SYBU: variants seen among roughly 807,000 people sequenced by gnomAD.
The protein encoded by SYBU is syntabulin, also known as GOLSYN A protein.
A neutral mutation model predicts 35.9 loss-of-function variants in SYBU; 21 were observed. That is an observed-to-expected ratio of 0.58 (90% confidence interval 0.41 to 0.84). SYBU has a LOEUF of 0.84. Ranked by LOEUF, SYBU falls within the 40% of genes least tolerant of loss-of-function variation. The pLI, the probability that SYBU is intolerant of heterozygous loss-of-function variation, is 0.00. For missense variants in SYBU, 768 were observed against 848.2 expected (o/e 0.91, Z 1.17); for synonymous variants, 319 against 324.3 (o/e 0.98, Z 0.18).
At chr8:109,597,504 G>A (rs1825020955) in intron 3 of SYBU, among the ~76,000 whole-genome samples, 1 of 151,916 alleles carries the variant, frequency 6.6e-6, no homozygotes, top group Admixed American at 6.6e-5. Flanking sequence ...GATCAATTGA[G>A]CCCAGGGGTT....
chr8:109,655,571 G>T (rs953277466), intron 1 of SYBU, among the ~76,000 whole-genome samples: 7 of 152,034 alleles, frequency 4.6e-5, no homozygotes, highest in African/African-American at 1.4e-4. Context: ...TATTTTAGTG[G>T]ACTCATTTCT....
chr8:109,649,856 G>A (rs1296946156), intron 1 of SYBU, among the ~76,000 whole-genome samples: 3 of 152,182 alleles, frequency 2.0e-5, no homozygotes, highest in Non-Finnish European at 4.4e-5. Flanking sequence ...TGCGTGTAAA[G>A]GTTGCCATCT....
chr8:109,666,919 T>C (rs1816774570), intron 1 of SYBU, among the ~76,000 whole-genome samples: 1 of 152,178 alleles, frequency 6.6e-6, no homozygotes, highest in Non-Finnish European at 1.5e-5. Flanking sequence ...TTCTCCATCT[T>C]AATGATCTTG....
intron 1 of SYBU, among the ~76,000 whole-genome samples, chr8:109,678,110 G>A (rs564843009): frequency 5.3e-5 from 7 of 132,512 alleles, no homozygotes; most frequent in Admixed American, 8.6e-5. Context: ...CTCCAGCCTG[G>A]GCAAGAAGAG....
chr8:109,618,902 C>G lies in SYBU; in HGVS notation c.367G>C (p.Glu123Gln). The change falls in exon 3 of 7, where the codon GAA becomes CAA. Residue 123 changes from glutamate to glutamine, a missense_variant. Glu to Gln is a conservative substitution (Grantham distance 29). Transcript: ENST00000276646. ...RKKCTIGMVGEGSIQSSRYKK... is the reference protein window; with the variant it reads ...RKKCTIGMVGQGSIQSSRYKK... Reference sequence around the variant, plus strand: ...TATCGAGAGGACTGAATGCTTCCTTCACCAACCATTCCAATCGTGCATTTC... The same window carrying G: ...TATCGAGAGGACTGAATGCTTCCTTGACCAACCATTCCAATCGTGCATTTC... 1 of 1,614,216 alleles carries G rather than the reference C, an allele frequency of 6.2e-7. No homozygotes were observed. The highest frequency in any genetic ancestry group is 1.7e-5 in the Admixed American group (1 of 60,028).
At chr8:109,593,164 G>T (rs1824476216) in intron 3 of SYBU, among the ~76,000 whole-genome samples, 1 of 152,196 alleles carries the variant, frequency 6.6e-6, no homozygotes, top group African/African-American at 2.4e-5. Context: ...TACTATAGCT[G>T]ATTGTGCAGC....
rs866054039 is a variant in SYBU, at chr8:109,597,087, C to A, written c.428-10925G>T. On this transcript the variant is annotated intron_variant, in intron 3 of 6. Transcript: ENST00000276646. Reference sequence around the variant, plus strand: ...GGTAGCTCTGACCCTGAATAGCCCTCAAAGATCAGGAATTACGTGATGCCC... The same window carrying A: ...GGTAGCTCTGACCCTGAATAGCCCTAAAAGATCAGGAATTACGTGATGCCC... Among the ~76,000 whole-genome samples the A allele has an allele frequency of 2.6e-5, 4 of 152,298 alleles. 1 individual carries two copies. The Middle Eastern group carries it at 0.014, about 522-fold the overall frequency.
chr8:109,685,049 A>G (rs1244557880), upstream of SYBU, among the ~76,000 whole-genome samples: 1 of 152,196 alleles, frequency 6.6e-6, no homozygotes, highest in Non-Finnish European at 1.5e-5. Context: ...GGTTTGGCAT[A>G]GTAATAGTTA....
At chr8:109,665,724 T>G (rs899623076) in intron 1 of SYBU, among the ~76,000 whole-genome samples, 5 of 152,222 alleles carry the variant, frequency 3.3e-5, no homozygotes, top group African/African-American at 1.2e-4. Context: ...ACCATGTACA[T>G]ATTCTAAGAA....
upstream of SYBU, chr8:109,645,735 G>T: frequency 5.1e-6 from 1 of 197,904 alleles, no homozygotes; most frequent in Non-Finnish European, 1.0e-5. Context: ...TAACTCCTGG[G>T]ATCAAGGGAT....
intron 3 of SYBU, among the ~76,000 whole-genome samples, chr8:109,594,425 T>A (rs545914942): frequency 9.2e-4 from 140 of 152,224 alleles, no homozygotes; most frequent in African/African-American, 3.2e-3. Flanking sequence ...ACAAATGGAA[T>A]AAAACACCCA....
chr8:109,671,839 A>G (rs1235376558), intron 1 of SYBU, among the ~76,000 whole-genome samples: 1 of 152,190 alleles, frequency 6.6e-6, no homozygotes, highest in African/African-American at 2.4e-5. Flanking sequence ...CTCTACTTGA[A>G]TTAAAAATGA....
At chr8:109,679,336 C>T (rs1817317975) in intron 1 of SYBU, among the ~76,000 whole-genome samples, 1 of 152,194 alleles carries the variant, frequency 6.6e-6, no homozygotes, top group Non-Finnish European at 1.5e-5. Flanking sequence ...ACGAGTAGCT[C>T]ATGCTGCTGC....
chr8:109,602,429 ATTTT>A (rs751669435), intron 3 of SYBU, among the ~76,000 whole-genome samples: 69 of 132,632 alleles, frequency 5.2e-4, no homozygotes, highest in Middle Eastern at 7.6e-3. Context: ...CCTCTGTGTA[ATTTT>A]TTTTTTTTTT....
intron 1 of SYBU, among the ~76,000 whole-genome samples, chr8:109,655,526 T>C (rs1053281954): frequency 6.6e-6 from 1 of 152,182 alleles, no homozygotes; most frequent in Non-Finnish European, 1.5e-5. Flanking sequence ...ATACATTTCA[T>C]CCTATGTATT....
chr8:109,590,268 A>C (rs1824065987), intron 3 of SYBU, among the ~76,000 whole-genome samples: 1 of 152,228 alleles, frequency 6.6e-6, no homozygotes, highest in Admixed American at 6.5e-5. Flanking sequence ...CAGCCAAGGT[A>C]TCCAAGAAAC....
At chr8:109,642,548 GA>G in intron 2 of SYBU, among the ~76,000 whole-genome samples, 179 bp downstream of exon 2, 1 of 152,290 alleles carries the variant, frequency 6.6e-6, no homozygotes, top group East Asian at 1.9e-4. Flanking sequence ...CCAATAAACT[GA>G]ACTATATGAA....
intron 2 of SYBU, among the ~76,000 whole-genome samples, chr8:109,627,098 T>C (rs1257512813): frequency 6.6e-6 from 1 of 152,198 alleles, no homozygotes; most frequent in African/African-American, 2.4e-5. Flanking sequence ...CATAATGTCT[T>C]GAAACATTCA....
At chr8:109,648,276 A>T (rs1815917993), upstream of SYBU, among the ~76,000 whole-genome samples, 1 of 127,428 alleles carries the variant, frequency 7.8e-6, no homozygotes, top group Non-Finnish European at 1.5e-5. Flanking sequence ...TATATATATA[A>T]TATATATATA....
Sources: allele counts gnomAD v4.1 joint callset (sites outside exome capture counted in the v4.1 genomes callset), GRCh38; gene constraint gnomAD v4.1.1; transcripts MANE v1.5; gene names NCBI Gene and HGNC (gene_info 2026-07-23, HGNC 2026-07-21).